CSMD1: variants seen among roughly 807,000 people sequenced by gnomAD.
The protein encoded by CSMD1 is CUB and Sushi multiple domains 1.
Under a neutral mutation model 417.5 loss-of-function variants are expected in CSMD1, and 213 were observed. The observed-to-expected ratio is 0.51, with a 90% CI of 0.46 to 0.57. The LOEUF is 0.57. CSMD1 is among the 20% of genes least tolerant of loss of function. The pLI, the probability that CSMD1 is intolerant of heterozygous loss-of-function variation, is 0.00. For synonymous variants in CSMD1, 2,862 were observed against 1,736.8 expected, an observed-to-expected ratio of 1.65 and a Z score of -16.11; for missense variants, 6,923 against 4,529.7, an observed-to-expected ratio of 1.53 and a Z score of -15.17.
At chr8:2,979,922 G>A (rs970566990) in intron 54 of CSMD1, among the ~76,000 whole-genome samples, 1 of 152,246 alleles carries the variant, frequency 6.6e-6, no homozygotes, top group African/African-American at 2.4e-5. Context: ...CAATACAATT[G>A]TAACCAAATC....
intron 1 of CSMD1, among the ~76,000 whole-genome samples, chr8:4,673,030 C>A (rs373433212): frequency 6.6e-6 from 1 of 151,260 alleles, no homozygotes; most frequent in African/African-American, 2.4e-5. Context: ...CACACGCACA[C>A]GGTGACACAA....
At chr8:4,163,254 G>A (rs1448441849) in intron 3 of CSMD1, among the ~76,000 whole-genome samples, 1 of 152,122 alleles carries the variant, frequency 6.6e-6, no homozygotes, top group African/African-American at 2.4e-5. Flanking sequence ...ATAACAAGGA[G>A]TGTGCTTCCT....
rs940752684 is a variant in CSMD1, at chr8:4,282,139, A to G, written c.415+137814T>C. 2.6e-5 allele frequency among the ~76,000 whole-genome samples: 4 copies of G among 152,352 alleles called. No homozygotes were observed. In the East Asian group the frequency reaches 5.8e-4, roughly 22 times the overall value. ...ATTATGTAAACTTTAAAGTTATACA[A>G]TATTGCTCAAATACGATTTCAAAAT... On this transcript the variant is annotated intron_variant, in intron 3 of 69. Coordinates refer to ENST00000635120, the MANE Select transcript of CSMD1 (RefSeq NM_033225.6).
chr8:3,653,347 T>G (rs1007877688), intron 7 of CSMD1, among the ~76,000 whole-genome samples: 7 of 152,172 alleles, frequency 4.6e-5, no homozygotes, highest in African/African-American at 1.7e-4. Context: ...TCACTTTTGT[T>G]GTCCGGGCTG....
At chr8:3,357,991 A>T (rs2117701657) in intron 21 of CSMD1, among the ~76,000 whole-genome samples, 1 of 152,324 alleles carries the variant, frequency 6.6e-6, no homozygotes, top group South Asian at 2.1e-4. Context: ...ATCCAGAAAT[A>T]TAGCTTTATC....
intron 4 of CSMD1, among the ~76,000 whole-genome samples, chr8:4,010,364 T>C (rs1236840249): frequency 6.6e-6 from 1 of 152,156 alleles, no homozygotes; most frequent in African/African-American, 2.4e-5. Flanking sequence ...CAAGAAGATT[T>C]AAACTTCGGG....
intron 2 of CSMD1, among the ~76,000 whole-genome samples, chr8:4,537,345 G>C (rs983839175): frequency 6.6e-6 from 1 of 152,148 alleles, no homozygotes; most frequent in East Asian, 1.9e-4. Context: ...TAAAATGAGA[G>C]ATTATTATAT....
At chr8:3,883,560 T>C (rs1433647636) in intron 5 of CSMD1, among the ~76,000 whole-genome samples, 3 of 152,214 alleles carry the variant, frequency 2.0e-5, no homozygotes, top group Non-Finnish European at 4.4e-5. Context: ...AGCAGTGAAC[T>C]GATGCCTTCA....
chr8:3,615,913 A>G (rs892105400), intron 8 of CSMD1, among the ~76,000 whole-genome samples: 4 of 152,164 alleles, frequency 2.6e-5, no homozygotes, highest in Non-Finnish European at 5.9e-5. Flanking sequence ...AAGTGCAAAA[A>G]TCTAAAGTAA....
chr8:3,084,541 A>T (rs2129004961), intron 49 of CSMD1, among the ~76,000 whole-genome samples: 1 of 152,010 alleles, frequency 6.6e-6, no homozygotes, highest in African/African-American at 2.4e-5. Context: ...AAAAAAAAAA[A>T]AATCTACATT....
At chr8:3,544,559 G>C (rs975642240) in intron 10 of CSMD1, among the ~76,000 whole-genome samples, 8 of 152,036 alleles carry the variant, frequency 5.3e-5, no homozygotes, top group African/African-American at 1.7e-4. Flanking sequence ...TCTTGCATGA[G>C]ATCCAAGAAC....
chr8:4,903,927 G>A (rs1373351170), intron 1 of CSMD1, among the ~76,000 whole-genome samples: 2 of 152,142 alleles, frequency 1.3e-5, no homozygotes, highest in African/African-American at 2.4e-5. Context: ...ATATTTCCTT[G>A]AGCCTATTAC....
chr8:3,475,705 G>C (rs10106196), intron 11 of CSMD1, among the ~76,000 whole-genome samples: 2 of 151,974 alleles, frequency 1.3e-5, no homozygotes, highest in East Asian at 3.9e-4. Context: ...AGTCAGTATC[G>C]ATGTTGAACT....
chr8:4,348,698 G>C (rs1457032879), intron 3 of CSMD1, among the ~76,000 whole-genome samples: 2 of 152,060 alleles, frequency 1.3e-5, no homozygotes, highest in East Asian at 1.9e-4. Flanking sequence ...CCGCTTAAGT[G>C]AATTTTATAC....
At chr8:4,494,390 T>G (rs902839112) in intron 2 of CSMD1, among the ~76,000 whole-genome samples, 1 of 152,196 alleles carries the variant, frequency 6.6e-6, no homozygotes, top group African/African-American at 2.4e-5. Flanking sequence ...TGAATAGATT[T>G]TCTATTTTAA....
chr8:3,432,417 A>C (rs1426228370), intron 12 of CSMD1, among the ~76,000 whole-genome samples: 4 of 152,110 alleles, frequency 2.6e-5, no homozygotes, highest in Non-Finnish European at 5.9e-5. Flanking sequence ...AATGGTTGCC[A>C]AGTCTTTGGT....
intron 1 of CSMD1, among the ~76,000 whole-genome samples, chr8:4,793,431 C>T (rs1391631542): frequency 6.6e-6 from 1 of 151,936 alleles, no homozygotes; most frequent in Non-Finnish European, 1.5e-5. Context: ...CCTCCCCCAG[C>T]TCTTTATCAC....
intron 3 of CSMD1, among the ~76,000 whole-genome samples, chr8:4,384,624 T>C (rs746299834): frequency 2.7e-4 from 41 of 152,176 alleles, no homozygotes; most frequent in Non-Finnish European, 5.3e-4. Context: ...TAGAAGATTT[T>C]TTTTTGTTAT....
intron 3 of CSMD1, among the ~76,000 whole-genome samples, chr8:4,096,590 G>C (rs1022395394): frequency 1.3e-5 from 2 of 152,110 alleles, no homozygotes; most frequent in African/African-American, 2.4e-5. Flanking sequence ...CTTTTCTTAA[G>C]TTTGTATTGT....
Sources: allele counts gnomAD v4.1 joint callset (sites outside exome capture counted in the v4.1 genomes callset), GRCh38; gene constraint gnomAD v4.1.1; transcripts MANE v1.5; gene names NCBI Gene and HGNC (gene_info 2026-07-23, HGNC 2026-07-21).